Variants in NAALADL2 observed in about 807,000 individuals in gnomAD.
NAALADL2 encodes inactive N-acetylated-alpha-linked acidic dipeptidase-like protein 2.
In NAALADL2, 76 loss-of-function variants were observed where a neutral mutation model predicts 87.2. The ratio of observed to expected loss-of-function variants is 0.87; its 90% CI spans 0.72 to 1.05. The LOEUF is 1.05. NAALADL2 is among the 50% of genes least tolerant of loss of function. The pLI is 0.00. For missense variants in NAALADL2, 1,089 were observed against 945.8 expected (o/e 1.15, Z -1.99); for synonymous variants, 354 against 331.0 (o/e 1.07, Z -0.75).
At chr3:175,730,407 T>G (rs1453612538) in intron 11 of NAALADL2, among the ~76,000 whole-genome samples, 5 of 72,012 alleles carry the variant, frequency 6.9e-5, no homozygotes, top group East Asian at 3.1e-4. Flanking sequence ...TATATATATA[T>G]ATATATATAT....
chr3:174,827,334 C>A (rs66699297), intron 3 of NAALADL2, among the ~76,000 whole-genome samples: 2 of 152,044 alleles, frequency 1.3e-5, no homozygotes, highest in Non-Finnish European at 2.9e-5. Context: ...GGTCTCAGTG[C>A]GTTAAGGTCT....
intron 2 of NAALADL2, among the ~76,000 whole-genome samples, chr3:175,202,925 C>G (rs1472920650): frequency 6.6e-6 from 1 of 152,018 alleles, no homozygotes; most frequent in Non-Finnish European, 1.5e-5. Context: ...AGGCCTCACC[C>G]AGCTCCCACA....
At chr3:175,457,325 G>T (rs1722461499) in intron 6 of NAALADL2, among the ~76,000 whole-genome samples, 2 of 152,014 alleles carry the variant, frequency 1.3e-5, no homozygotes, top group Admixed American at 1.3e-4. Flanking sequence ...TACTACCTAT[G>T]ATCACTTGAT....
intron 5 of NAALADL2, among the ~76,000 whole-genome samples, chr3:175,384,465 G>T (rs187206911): frequency 6.6e-6 from 1 of 151,882 alleles, no homozygotes; most frequent in South Asian, 2.1e-4. Context: ...TAATACTTTC[G>T]GTTCTTTGAT....
intron 8 of NAALADL2, among the ~76,000 whole-genome samples, chr3:175,468,605 C>G (rs1302331899): frequency 6.6e-6 from 1 of 151,776 alleles, no homozygotes; most frequent in East Asian, 1.9e-4. Context: ...TTTGCTATTT[C>G]AAACTATATT....
At chr3:175,284,186 G>GT (rs34562094) in intron 4 of NAALADL2, among the ~76,000 whole-genome samples, 16,120 of 142,644 alleles carry the variant, frequency 0.11, 2,787 homozygotes, top group African/African-American at 0.38. Flanking sequence ...TTTACACTGT[G>GT]TTTTTTTTTT....
rs60306944 is a variant in NAALADL2, at chr3:175,551,087, C to CGT, written c.1654-24937_1654-24936dup. ...AGAGACGAGTGTGTGTGTGTCTCTGCGTGTGTGTGTGTGTGTGTTTCCTAG... is the reference window on the plus strand; with the variant it reads ...AGAGACGAGTGTGTGTGTGTCTCTGCGTGTGTGTGTGTGTGTGTGTTTCCTAG... On this transcript the variant is annotated intron_variant, in intron 9 of 13. Coordinates refer to ENST00000454872, the MANE Select transcript of NAALADL2 (RefSeq NM_207015.3). Among the ~76,000 whole-genome samples, 137 of 149,398 alleles carry CGT rather than the reference C, an allele frequency of 9.2e-4. 1 individual carries two copies. The Middle Eastern group carries it at 0.01, about 11-fold the overall frequency.
chr3:174,583,950 T>C (rs533996107), intron 2 of NAALADL2, among the ~76,000 whole-genome samples: 1 of 152,284 alleles, frequency 6.6e-6, no homozygotes. Context: ...GTTTTATATT[T>C]CCCATAGGAA....
chr3:175,692,020 C>T (rs1012742453), intron 11 of NAALADL2, among the ~76,000 whole-genome samples: 2 of 152,040 alleles, frequency 1.3e-5, no homozygotes, highest in African/African-American at 4.8e-5. Flanking sequence ...TGGCTCTCTT[C>T]TCATTTTCTT....
intron 1 of NAALADL2, among the ~76,000 whole-genome samples, chr3:174,955,699 C>T (rs542463695): frequency 6.6e-6 from 1 of 152,054 alleles, no homozygotes; most frequent in East Asian, 1.9e-4. Flanking sequence ...AGCAGATTGC[C>T]CCCATAGGTA....
chr3:175,662,869 A>C (rs1374560377), intron 11 of NAALADL2, among the ~76,000 whole-genome samples: 2 of 151,956 alleles, frequency 1.3e-5, no homozygotes, highest in Admixed American at 6.6e-5. Flanking sequence ...TAAATTTTTA[A>C]TGTGTTGTTG....
chr3:174,856,847 T>TA (rs1340042555), upstream of NAALADL2, among the ~76,000 whole-genome samples: 2 of 152,152 alleles, frequency 1.3e-5, no homozygotes, highest in Non-Finnish European at 2.9e-5. Flanking sequence ...CTGCAAAAGT[T>TA]ACAGCCACGG....
chr3:174,538,121 A>G (rs1431159418), intron 1 of NAALADL2, among the ~76,000 whole-genome samples: 1 of 152,130 alleles, frequency 6.6e-6, no homozygotes, highest in Non-Finnish European at 1.5e-5. Flanking sequence ...ATTTATAACT[A>G]TATACTCTTT....
intron 3 of NAALADL2, among the ~76,000 whole-genome samples, chr3:174,818,780 T>C (rs1362258712): frequency 1.3e-5 from 2 of 152,068 alleles, no homozygotes; most frequent in African/African-American, 4.8e-5. Context: ...CAAGTCTATG[T>C]GGTTAGCAAT....
intron 2 of NAALADL2, among the ~76,000 whole-genome samples, chr3:175,156,368 A>G (rs930168465): frequency 1.3e-5 from 2 of 149,338 alleles, no homozygotes; most frequent in African/African-American, 2.4e-5. Context: ...AATGTTTCGC[A>G]TGAGTGAAGT....
At chr3:175,727,964 T>G (rs1451731738) in intron 11 of NAALADL2, among the ~76,000 whole-genome samples, 2 of 152,192 alleles carry the variant, frequency 1.3e-5, no homozygotes, top group African/African-American at 4.8e-5. Context: ...CATTTAAAAT[T>G]TTCCTTGCTA....
At chr3:175,506,807 T>C (rs528611776) in intron 9 of NAALADL2, among the ~76,000 whole-genome samples, 1 of 152,188 alleles carries the variant, frequency 6.6e-6, no homozygotes, top group African/African-American at 2.4e-5. Context: ...TCATAAAAAA[T>C]TCTCCATACT....
chr3:174,492,538 TG>T lies in NAALADL2; in HGVS notation c.-184+51507del, dbSNP rs1225272916. Among the ~76,000 whole-genome samples, 3 of 38,172 alleles carry T rather than the reference TG, an allele frequency of 7.9e-5. No homozygotes were observed. In the Admixed American group the frequency reaches 1.2e-3, roughly 15 times the overall value. The allele number at this position is 38,172 out of a possible 152,430, so 25.0% of individuals were successfully genotyped here. On this transcript the variant is annotated intron_variant, in intron 1 of 3. Coordinates refer to the NAALADL2 transcript ENST00000434257. ...TGAGGGACACCTACTATAGGTATTT[TG>T]TGTGTGTGTGTGTGCTGAAAGCAAC...
chr3:174,821,650 A>G (rs1560257720), intron 3 of NAALADL2, among the ~76,000 whole-genome samples: 2 of 152,188 alleles, frequency 1.3e-5, no homozygotes, highest in Non-Finnish European at 2.9e-5. Context: ...GACTTCCCAG[A>G]GGACTCAGTG....
Sources: allele counts gnomAD v4.1 joint callset (sites outside exome capture counted in the v4.1 genomes callset), GRCh38; gene constraint gnomAD v4.1.1; transcripts MANE v1.5; gene names NCBI Gene and HGNC (gene_info 2026-07-23, HGNC 2026-07-21).